Variants in MB21D2 observed in about 807,000 individuals in gnomAD.
MB21D2 encodes nucleotidyltransferase MB21D2.
A neutral mutation model predicts 33.3 loss-of-function variants in MB21D2; 9 were observed. That is an observed-to-expected ratio of 0.27 (90% CI 0.16 to 0.47). MB21D2 has a LOEUF of 0.47. Among genes scored for constraint, MB21D2 ranks in the 20% least tolerant of loss-of-function variants. The pLI, the probability that MB21D2 is intolerant of heterozygous loss-of-function variation, is 0.99. For synonymous variants in MB21D2, 241 were observed against 236.3 expected (o/e 1.02, Z -0.18); for missense variants, 540 against 624.6 (o/e 0.86, Z 1.44).
At chr3:192,870,781 TA>T (rs1217904595) in intron 1 of MB21D2, among the ~76,000 whole-genome samples, 10 of 105,466 alleles carry the variant, frequency 9.5e-5, no homozygotes, top group Admixed American at 2.6e-4. Flanking sequence ...TCGAGGAGTT[TA>T]AAAAAAAAAT....
At position 192,799,425 on chromosome 3, in the gene MB21D2, G is replaced by A. The variant is rs1711509806; in HGVS notation, c.437C>T (p.Ser146Phe). ...ATCAAAGAGCCGAAGGCTCAGCCAA[G>A]AGTGGCACAAGGCTGAGTGGCGCAT... ...LDMRHSALCH[S>F]WLSLRLFDEG... The change falls in exon 2 of 2, where the codon TCT (serine) becomes TTT (phenylalanine). Residue 146 changes from serine to phenylalanine, a missense_variant. By Grantham distance (155) the Ser-to-Phe change is radical. Coordinates refer to ENST00000392452, the MANE Select transcript of MB21D2 (RefSeq NM_178496.4). This position sits in a 1 kb window ranked among gnomAD's most constrained non-coding sequence, Gnocchi z 4.1. 6.2e-7 allele frequency: 1 copy of A among 1,614,124 alleles called. No homozygotes were observed. Among genetic ancestry groups the A allele is most frequent in the African/African-American group, 1.3e-5 (1 of 74,930 alleles).
At chr3:192,878,419 A>G (rs1261719190) in intron 1 of MB21D2, among the ~76,000 whole-genome samples, 4 of 152,238 alleles carry the variant, frequency 2.6e-5, no homozygotes, top group African/African-American at 9.6e-5. Context: ...TAAAAAGCTT[A>G]GCAATTTCTA....
At chr3:192,898,783 G>A (rs1254848832) in intron 1 of MB21D2, among the ~76,000 whole-genome samples, 1 of 152,228 alleles carries the variant, frequency 6.6e-6, no homozygotes, top group South Asian at 2.1e-4. Flanking sequence ...AACCTGTGAC[G>A]CTAGAAGGCC....
At chr3:192,909,936 CAAAAAAAAAAAAAAAA>C (rs61613458) in intron 1 of MB21D2, among the ~76,000 whole-genome samples, 4 of 52,820 alleles carry the variant, frequency 7.6e-5, no homozygotes, top group Admixed American at 3.2e-4. Context: ...GACTCTGTCT[CAAAAAAAAAAAAAAAA>C]AAAAAAAAAA....
intron 1 of MB21D2, among the ~76,000 whole-genome samples, chr3:192,885,464 TATA>T (rs1213692419): frequency 6.6e-6 from 1 of 152,056 alleles, no homozygotes; most frequent in Non-Finnish European, 1.5e-5. Flanking sequence ...CAAGGATTAT[TATA>T]ATGAGAACTG....
chr3:192,872,492 C>A (rs541583773), intron 1 of MB21D2, among the ~76,000 whole-genome samples: 60 of 150,810 alleles, frequency 4.0e-4, no homozygotes, highest in African/African-American at 1.4e-3. Flanking sequence ...AGGAGAGTGG[C>A]GTGAACCCGG....
intron 1 of MB21D2, among the ~76,000 whole-genome samples, chr3:192,910,851 C>T (rs1406618996): frequency 1.3e-5 from 2 of 152,158 alleles, no homozygotes; most frequent in African/African-American, 4.8e-5. Flanking sequence ...GGTTAGGAGA[C>T]TTAGGGTAAA....
At chr3:192,917,547 G>A in intron 1 of MB21D2, 83 bp downstream of exon 1, 1 of 1,463,160 alleles carries the variant, frequency 6.8e-7, no homozygotes, top group Non-Finnish European at 9.5e-7. Flanking sequence ...AAGGGAAGAG[G>A]TCGAGAAGCG....
At chr3:192,851,762 A>C (rs1179320647) in intron 1 of MB21D2, among the ~76,000 whole-genome samples, 3 of 152,104 alleles carry the variant, frequency 2.0e-5, no homozygotes, top group African/African-American at 7.2e-5. Context: ...GGCCTCCCAA[A>C]GTGCTGGGAT....
Position 192,864,973 on chromosome 3 carries a change from G to GA in MB21D2, c.211+52656dup, listed in dbSNP as rs137951132. On this transcript the variant is annotated intron_variant, in intron 1 of 1. Coordinates refer to ENST00000392452, the MANE Select transcript of MB21D2 (RefSeq NM_178496.4). The stretch of plus-strand genomic sequence containing the variant: ...TGGGAATATTAAAATACTCACAGAT[G>GA]AAAAACCAGACAGAAGACATCTCAG... 5.2e-3 allele frequency among the ~76,000 whole-genome samples: 797 copies of GA among 152,262 alleles called. 8 individuals carry two copies. Among genetic ancestry groups the GA allele is most frequent in the African/African-American group, 0.018 (761 of 41,526 alleles).
At chr3:192,831,864 T>G (rs933900567) in intron 1 of MB21D2, among the ~76,000 whole-genome samples, 72 of 152,236 alleles carry the variant, frequency 4.7e-4, no homozygotes, top group African/African-American at 1.6e-3. Context: ...GGCAGCATCC[T>G]GAAGCACCAC....
intron 1 of MB21D2, among the ~76,000 whole-genome samples, chr3:192,840,346 C>G (rs1375399715): frequency 6.6e-6 from 1 of 150,794 alleles, no homozygotes; most frequent in African/African-American, 2.4e-5. Flanking sequence ...AAAATCAAAG[C>G]TCCTTTATTG....
At chr3:192,852,349 T>C (rs969824674) in intron 1 of MB21D2, among the ~76,000 whole-genome samples, 7 of 152,164 alleles carry the variant, frequency 4.6e-5, no homozygotes, top group South Asian at 2.1e-4. Context: ...AGGAAGCAAA[T>C]AGCCCTTATT....
rs71635401 is a variant in MB21D2 at position 192,901,413 on chromosome 3, C to CAAAAAAAAAAAAAAAA, written c.211+16201_211+16216dup. Among the ~76,000 whole-genome samples, 13 of 100,822 alleles carry CAAAAAAAAAAAAAAAA rather than the reference C, an allele frequency of 1.3e-4. 1 individual carries two copies. The highest frequency in any genetic ancestry group is 3.7e-4 in the East Asian group (1 of 2,686). The allele number at this position is 100,822 out of a possible 152,430, so 66.1% of individuals were successfully genotyped here. ...TGAAACCCCGTCTCTACTAAAAATT[C>CAAAAAAAAAAAAAAAA]AAAAAAAAAAAAAAAAAAAAAGACT... On this transcript the variant is annotated intron_variant, in intron 1 of 1. Transcript: ENST00000392452.
chr3:192,839,448 C>A (rs961112570), intron 1 of MB21D2, among the ~76,000 whole-genome samples: 8 of 152,116 alleles, frequency 5.3e-5, no homozygotes, highest in Admixed American at 3.9e-4. Context: ...TAAACAAGTG[C>A]CCAAATGTTA....
Position 192,880,155 on chromosome 3 carries a change from C to T in MB21D2, c.211+37475G>A, listed in dbSNP as rs573620829. The stretch of plus-strand genomic sequence containing the variant: ...ATCAGGAGTTTGAGACCACCCTGAC[C>T]AACATAGTGAAACCCTGTCTCTACT... On this transcript the variant is annotated intron_variant, in intron 1 of 1. Coordinates refer to ENST00000392452, the MANE Select transcript of MB21D2 (RefSeq NM_178496.4). 2.0e-4 allele frequency among the ~76,000 whole-genome samples: 30 copies of T among 152,044 alleles called. No individual in the cohort carries two copies. The South Asian group carries it at 5.8e-3, about 30-fold the overall frequency.
intron 1 of MB21D2, among the ~76,000 whole-genome samples, chr3:192,886,015 C>G (rs185517359): frequency 6.6e-6 from 1 of 152,162 alleles, no homozygotes; most frequent in East Asian, 1.9e-4. Flanking sequence ...GGCTGCAGTA[C>G]AGTGGCGCGA....
At position 192,875,157 on chromosome 3, in the gene MB21D2, T is replaced by C. The variant is rs1187339180; in HGVS notation, c.211+42473A>G. On this transcript the variant is annotated intron_variant, in intron 1 of 1. Transcript: ENST00000392452. ...AACATGGAAAGACCATGCTACACCA[T>C]GTTTGCTGCCTCCATTACCATTTTT... 6.6e-5 allele frequency among the ~76,000 whole-genome samples: 10 copies of C among 152,234 alleles called. No individual in the cohort carries two copies. The East Asian group carries it at 1.9e-3, about 29-fold the overall frequency.
chr3:192,807,344 A>T (rs1265902700), intron 1 of MB21D2, among the ~76,000 whole-genome samples: 1 of 152,088 alleles, frequency 6.6e-6, no homozygotes, highest in Non-Finnish European at 1.5e-5. Flanking sequence ...CAAAAAAAAA[A>T]AAAAAAAGTG....
Sources: allele counts gnomAD v4.1 joint callset (sites outside exome capture counted in the v4.1 genomes callset), GRCh38; gene constraint gnomAD v4.1.1; non-coding constraint Gnocchi (gnomAD v3.1); transcripts MANE v1.5; gene names NCBI Gene and HGNC (gene_info 2026-07-23, HGNC 2026-07-21).